Variants in ARHGAP32 observed in about 807,000 individuals in gnomAD.
ARHGAP32 encodes rho GTPase-activating protein 32.
ARHGAP32 carries 51 observed loss-of-function variants against 186.5 expected under a neutral mutation model. The observed-to-expected ratio is 0.27, with a 90% CI of 0.22 to 0.35. ARHGAP32 has a LOEUF of 0.35. ARHGAP32 is among the 10% of genes least tolerant of loss of function. ARHGAP32 has a pLI of 1.00. For synonymous variants in ARHGAP32, 950 were observed against 964.3 expected (o/e 0.99, Z 0.27); for missense variants, 2,186 against 2,623.5 (o/e 0.83, Z 3.64).
chr11:129,216,782 AATTT>A (rs1253664218), intron 1 of ARHGAP32, among the ~76,000 whole-genome samples: 2 of 151,906 alleles, frequency 1.3e-5, no homozygotes, highest in Non-Finnish European at 2.9e-5. Context: ...TCAACTCAAA[AATTT>A]ATTTAAAGAT....
At position 129,064,946 on chromosome 11, in the gene ARHGAP32, AG is replaced by A; in HGVS notation, c.670-14del. 2 of 1,569,074 alleles carry A rather than the reference AG, an allele frequency of 1.3e-6. No homozygotes were observed. Among genetic ancestry groups the A allele is most frequent in the Non-Finnish European group, 1.7e-6 (2 of 1,155,506 alleles). On this transcript the variant is annotated splice_polypyrimidine_tract_variant and intron_variant, in intron 7 of 22. Coordinates refer to ENST00000682385, the MANE Select transcript of ARHGAP32 (RefSeq NM_001378024.1). ...TCTGAGTGACCGACTGAAAAGAAAA[AG>A]ATCAGTGTAACTCTGAGTAAAGATA...
At chr11:129,200,182 A>G in intron 1 of ARHGAP32, among the ~76,000 whole-genome samples, 1 of 152,154 alleles carries the variant, frequency 6.6e-6, no homozygotes. Context: ...CCTCATCTCA[A>G]ATGAGACTCT....
intron 1 of ARHGAP32, among the ~76,000 whole-genome samples, chr11:129,200,095 T>C (rs1020854502): frequency 2.0e-5 from 3 of 152,196 alleles, no homozygotes; most frequent in African/African-American, 7.2e-5. Context: ...ATTTACCCAA[T>C]GCCTGTACCC....
chr11:129,194,642 G>A (rs1050469224), upstream of ARHGAP32, among the ~76,000 whole-genome samples: 1 of 151,976 alleles, frequency 6.6e-6, no homozygotes, highest in Non-Finnish European at 1.5e-5. Context: ...GACAGCTGGA[G>A]AAGAGGAATA....
rs182473510 is a variant in ARHGAP32 at position 129,026,884 on chromosome 11, A to G, written c.1045+14044T>C. 8.5e-3 allele frequency among the ~76,000 whole-genome samples: 1,290 copies of G among 151,476 alleles called. 63 individuals carry two copies. Among genetic ancestry groups the G allele is most frequent in the Admixed American group, 0.074 (1,128 of 15,154 alleles). On this transcript the variant is annotated intron_variant, in intron 11 of 22. Coordinates refer to ENST00000682385, the MANE Select transcript of ARHGAP32 (RefSeq NM_001378024.1). ...GGAGGCTGAGGAGGGCAGATCACAA[A>G]GTCAGGAGATCGAGACCATCCTGGC...
chr11:129,081,511 C>T (rs537524100), intron 6 of ARHGAP32, among the ~76,000 whole-genome samples: 3 of 151,936 alleles, frequency 2.0e-5, no homozygotes, highest in Non-Finnish European at 2.9e-5. Context: ...AAAAGTCACA[C>T]AATCATCTCA....
chr11:129,128,897 C>T (rs1942728763), intron 2 of ARHGAP32, among the ~76,000 whole-genome samples: 1 of 152,210 alleles, frequency 6.6e-6, no homozygotes, highest in South Asian at 2.1e-4. Context: ...CAATGTTGCC[C>T]AGGCTGGAGT....
chr11:129,107,009 T>C (rs1942065887), intron 5 of ARHGAP32, among the ~76,000 whole-genome samples: 1 of 152,074 alleles, frequency 6.6e-6, no homozygotes, highest in African/African-American at 2.4e-5. Context: ...AGACACACTA[T>C]AATCAGATTT....
chr11:129,079,312 G>A (rs1408339960), intron 6 of ARHGAP32, among the ~76,000 whole-genome samples: 1 of 151,882 alleles, frequency 6.6e-6, no homozygotes, highest in African/African-American at 2.4e-5. Flanking sequence ...AGTCATCAGG[G>A]TTTCTAAAGA....
chr11:129,129,967 T>C lies in ARHGAP32; in HGVS notation c.226-5073A>G, dbSNP rs182214885. Among the ~76,000 whole-genome samples the C allele has an allele frequency of 1.4e-3, 214 of 152,348 alleles. 4 individuals are homozygous for C. The highest frequency in any genetic ancestry group is 2.6e-3 in the Non-Finnish European group (174 of 68,022). The stretch of plus-strand genomic sequence containing the variant: ...CTTATATTCTCTATCTTCAAGATTT[T>C]TTAAAAATTAAGTTAAAGCTAGTCA... On this transcript the variant is annotated intron_variant, in intron 2 of 22. Coordinates refer to ENST00000682385, the MANE Select transcript of ARHGAP32 (RefSeq NM_001378024.1).
At chr11:129,147,554 A>G (rs931749710) in intron 2 of ARHGAP32, among the ~76,000 whole-genome samples, 5 of 152,172 alleles carry the variant, frequency 3.3e-5, no homozygotes, top group African/African-American at 1.2e-4. Context: ...TGATTCAGCT[A>G]TTTTACAACT....
chr11:129,049,411 C>T (rs1939945836), intron 10 of ARHGAP32, among the ~76,000 whole-genome samples: 1 of 152,154 alleles, frequency 6.6e-6, no homozygotes, highest in African/African-American at 2.4e-5. Flanking sequence ...CCAAAGTAAA[C>T]TGCACATATT....
At chr11:129,162,721 T>C (rs1943555637) in intron 2 of ARHGAP32, among the ~76,000 whole-genome samples, 1 of 152,152 alleles carries the variant, frequency 6.6e-6, no homozygotes, top group South Asian at 2.1e-4. Context: ...GCAGACTTGA[T>C]GATATTTCTT....
At chr11:129,116,159 T>C (rs995434225) in intron 5 of ARHGAP32, among the ~76,000 whole-genome samples, 1 of 152,024 alleles carries the variant, frequency 6.6e-6, no homozygotes, top group Non-Finnish European at 1.5e-5. Flanking sequence ...AGAATGTGTG[T>C]AGTGTGTCTG....
chr11:129,008,215 T>C (rs1171952629), intron 11 of ARHGAP32, among the ~76,000 whole-genome samples: 1 of 152,164 alleles, frequency 6.6e-6, no homozygotes, highest in East Asian at 1.9e-4. Context: ...TTGGTTTCTT[T>C]GAGGGTATTT....
chr11:129,093,946 A>G (rs957536752), intron 5 of ARHGAP32, among the ~76,000 whole-genome samples: 6 of 152,256 alleles, frequency 3.9e-5, no homozygotes, highest in South Asian at 4.1e-4. Flanking sequence ...TCCTTAATCT[A>G]TTTAGTACAT....
chr11:129,125,241 T>C (rs1009291090), intron 2 of ARHGAP32, among the ~76,000 whole-genome samples: 19 of 151,990 alleles, frequency 1.3e-4, no homozygotes, highest in Admixed American at 5.2e-4. Context: ...TTAATAAACA[T>C]TAAAATGCTA....
At chr11:128,973,526 A>G in intron 21 of ARHGAP32, 94 bp from the exon 22 acceptor site, 1 of 1,357,656 alleles carries the variant, frequency 7.4e-7, no homozygotes, top group East Asian at 2.3e-5. Context: ...TCATTAAAAA[A>G]TAGGTGCCTT....
chr11:129,203,588 G>A (rs1944481753), intron 1 of ARHGAP32, among the ~76,000 whole-genome samples: 1 of 151,594 alleles, frequency 6.6e-6, no homozygotes, highest in Non-Finnish European at 1.5e-5. Context: ...TGAAGGTTGA[G>A]AATTCTTAAA....
Sources: gnomAD v4.1 joint callset for allele counts (sites outside exome capture counted in the v4.1 genomes callset) on GRCh38, gnomAD v4.1.1 for gene constraint, MANE v1.5 for transcripts, NCBI Gene and HGNC (gene_info 2026-07-23, HGNC 2026-07-21) for gene names.